FAM13A: variants seen among roughly 807,000 people sequenced by gnomAD.
The protein encoded by FAM13A is protein FAM13A.
Under a neutral mutation model 129.6 loss-of-function variants are expected in FAM13A, and 76 were observed. That is an observed-to-expected ratio of 0.59 (90% confidence interval 0.49 to 0.71). The LOEUF (loss-of-function observed/expected upper bound fraction) is 0.71. FAM13A is among the 30% of genes least tolerant of loss of function. The pLI, the probability that FAM13A is intolerant of heterozygous loss-of-function variation, is 0.00. For synonymous variants in FAM13A, 443 were observed against 449.9 expected (o/e 0.98, Z 0.20); for missense variants, 1,108 against 1,249.3 (o/e 0.89, Z 1.70).
chr4:88,822,751 T>C (rs1165343766), intron 7 of FAM13A, among the ~76,000 whole-genome samples: 1 of 152,178 alleles, frequency 6.6e-6, no homozygotes, highest in Non-Finnish European at 1.5e-5. Flanking sequence ...GAGAAGGATA[T>C]AACTAAATAC....
At chr4:89,041,190 C>T (rs1795728) in intron 1 of FAM13A, among the ~76,000 whole-genome samples, 91,305 of 151,988 alleles carry the variant, frequency 0.6, 28,086 homozygotes, top group Middle Eastern at 0.69. Context: ...AGGATGACTA[C>T]AGTTAACAAG....
chr4:89,026,615 GGAA>G (rs1404087311), intron 2 of FAM13A, among the ~76,000 whole-genome samples: 28 of 152,278 alleles, frequency 1.8e-4, no homozygotes, highest in Non-Finnish European at 3.7e-4. Flanking sequence ...CAAGGCAGCA[GGAA>G]GAAGAAGTGC....
chr4:88,906,369 C>T lies in FAM13A; in HGVS notation c.843+10G>A. 1 of 1,571,304 alleles carries T rather than the reference C, an allele frequency of 6.4e-7. No individual in the cohort carries two copies. The highest frequency in any genetic ancestry group is 8.7e-7 in the Non-Finnish European group (1 of 1,145,024). ...TTCACATGGTCGCCTACAGAGAAAA[C>T]ATAGTTTACCTTGGTTTTTGGAGGT... On this transcript the variant is annotated intron_variant, in intron 6 of 23. Coordinates refer to ENST00000264344, the MANE Select transcript of FAM13A (RefSeq NM_014883.4).
chr4:88,805,855 A>C (rs1329145728), intron 7 of FAM13A, among the ~76,000 whole-genome samples: 2 of 151,760 alleles, frequency 1.3e-5, no homozygotes, highest in African/African-American at 4.8e-5. Context: ...TTTTGTGGAG[A>C]CAGAGTCTCA....
intron 15 of FAM13A, 35 bp from the exon 16 acceptor site, chr4:88,749,944 G>C: frequency 3.1e-6 from 5 of 1,609,488 alleles, no homozygotes; most frequent in Non-Finnish European, 4.2e-6. Flanking sequence ...GTTTCCCCAG[G>C]AGCAGTCACT....
intron 7 of FAM13A, among the ~76,000 whole-genome samples, chr4:88,821,035 G>A (rs915606481): frequency 2.0e-5 from 3 of 152,148 alleles, no homozygotes; most frequent in Admixed American, 6.5e-5. Context: ...TAACGGTGGG[G>A]AGAGTCCGCA....
intron 7 of FAM13A, chr4:88,823,218 C>T: frequency 7.8e-6 from 11 of 1,409,296 alleles, no homozygotes; most frequent in Non-Finnish European, 1.0e-5. Context: ...TTATCGGCTG[C>T]TTCTCTACAT....
intron 7 of FAM13A, among the ~76,000 whole-genome samples, chr4:88,807,680 G>A (rs1323181394): frequency 2.6e-5 from 4 of 152,126 alleles, no homozygotes; most frequent in African/African-American, 9.7e-5. Context: ...TCCTTGTCAT[G>A]CTTCTGATTA....
At chr4:88,849,693 T>TAA (rs1737229200) in intron 7 of FAM13A, among the ~76,000 whole-genome samples, 1 of 152,210 alleles carries the variant, frequency 6.6e-6, no homozygotes, top group Non-Finnish European at 1.5e-5. Flanking sequence ...AATGTACGGT[T>TAA]CCTTAACACA....
intron 14 of FAM13A, among the ~76,000 whole-genome samples, chr4:88,758,085 G>C (rs902947993): frequency 2.6e-5 from 4 of 152,076 alleles, no homozygotes; most frequent in Non-Finnish European, 4.4e-5. Flanking sequence ...TGATAAAACT[G>C]CTGCAATATC....
intron 3 of FAM13A, among the ~76,000 whole-genome samples, chr4:89,007,385 G>C (rs1765191454): frequency 6.6e-6 from 1 of 152,132 alleles, no homozygotes; most frequent in Non-Finnish European, 1.5e-5. Flanking sequence ...GAAGCCCACA[G>C]AAAAAGGAAT....
intron 7 of FAM13A, among the ~76,000 whole-genome samples, chr4:88,826,255 C>A (rs1285726811): frequency 1.3e-5 from 2 of 150,842 alleles, no homozygotes; most frequent in Non-Finnish European, 2.9e-5. Flanking sequence ...TCAACTCCAA[C>A]TGTTTTGTGA....
At chr4:89,020,438 T>TA in intron 3 of FAM13A, 22 bp downstream of exon 3, 1 of 1,596,174 alleles carries the variant, frequency 6.3e-7, no homozygotes, top group African/African-American at 1.3e-5. Context: ...TTTTAACTCC[T>TA]AAAAGGATTT....
chr4:88,766,378 T>C (rs553024400), intron 13 of FAM13A, among the ~76,000 whole-genome samples: 39 of 151,960 alleles, frequency 2.6e-4, no homozygotes, highest in African/African-American at 9.2e-4. Flanking sequence ...CAAAAATGAG[T>C]TGGAAATAGA....
intron 11 of FAM13A, among the ~76,000 whole-genome samples, chr4:88,768,761 A>T (rs10034445): frequency 0.026 from 4,007 of 152,290 alleles, 68 homozygotes; most frequent in South Asian, 0.099. Context: ...AAGTAAAGAC[A>T]GAAAACCTAA....
At chr4:88,894,356 G>T (rs189384118) in intron 6 of FAM13A, among the ~76,000 whole-genome samples, 1 of 152,046 alleles carries the variant, frequency 6.6e-6, no homozygotes, top group Admixed American at 6.6e-5. Context: ...AGTTAATATT[G>T]ACAGCATATT....
At chr4:88,926,371 G>A (rs972844115) in intron 5 of FAM13A, among the ~76,000 whole-genome samples, 1 of 151,992 alleles carries the variant, frequency 6.6e-6, no homozygotes, top group Non-Finnish European at 1.5e-5. Flanking sequence ...TCAAATATTC[G>A]CTTGCCATTT....
chr4:88,781,174 G>A lies in FAM13A; in HGVS notation c.1449C>T (p.Asp483=), dbSNP rs754214327. 1.0e-4 allele frequency: 163 copies of A among 1,605,266 alleles called. No homozygotes were observed. Among genetic ancestry groups the A allele is most frequent in the Non-Finnish European group, 1.3e-4 (158 of 1,174,724 alleles). ...AGACGTATTCACTTACCACAAGACC[G>A]TCCTGATTGTCATGAAGCTCAGAAA... ...TKLSELHDNQ[D]GLVNMESLNS... is the part of the protein sequence containing the mutation. The change falls in exon 11 of 24, where the codon GAC becomes GAT. Residue 483 remains aspartate (D), a synonymous_variant. Coordinates refer to ENST00000264344, the MANE Select transcript of FAM13A (RefSeq NM_014883.4).
chr4:88,900,521 T>C (rs949123085), intron 6 of FAM13A, among the ~76,000 whole-genome samples: 3 of 151,784 alleles, frequency 2.0e-5, no homozygotes, highest in South Asian at 2.1e-4. Context: ...GAATTTCCAA[T>C]CCAGAATTTC....
Sources: gnomAD v4.1 joint callset for allele counts (sites outside exome capture counted in the v4.1 genomes callset) on GRCh38, gnomAD v4.1.1 for gene constraint, MANE v1.5 for transcripts, NCBI Gene and HGNC (gene_info 2026-07-23, HGNC 2026-07-21) for gene names.